Variants in SETDB1 observed in about 807,000 individuals in gnomAD.
SETDB1 encodes the protein histone-lysine N-methyltransferase SETDB1.
A neutral mutation model predicts 137.4 loss-of-function variants in SETDB1; 31 were observed. The ratio of observed to expected loss-of-function variants is 0.23; its 90% CI spans 0.17 to 0.30. SETDB1 has a LOEUF of 0.30. Among genes scored for constraint, SETDB1 ranks in the 10% least tolerant of loss-of-function variants. SETDB1 has a pLI of 1.00. For synonymous variants in SETDB1, 548 were observed against 579.9 expected (o/e 0.95, Z 0.79); for missense variants, 1,113 against 1,631.5 (o/e 0.68, Z 5.47).
At position 150,945,126 on chromosome 1, in the gene SETDB1, A is replaced by G; in HGVS notation, c.1140+18A>G. ...TCTTCCTGGTACTGTTCTTCTCTAC[A>G]ATTTTGGAGGCAGAGGTTGGTGGGG... On this transcript the variant is annotated intron_variant, in intron 9 of 21. Coordinates refer to ENST00000692827, the MANE Select transcript of SETDB1 (RefSeq NM_001366418.1). 3 of 1,613,876 alleles carry G rather than the reference A, an allele frequency of 1.9e-6. No homozygotes were observed. Among genetic ancestry groups the G allele is most frequent in the Middle Eastern group, 3.3e-4 (2 of 6,026 alleles).
At chr1:150,953,299 C>T (rs1193734659) in intron 14 of SETDB1, among the ~76,000 whole-genome samples, 1 of 152,030 alleles carries the variant, frequency 6.6e-6, no homozygotes, top group Non-Finnish European at 1.5e-5. Context: ...CTGAGGCAGG[C>T]AGATCACTTG....
chr1:150,946,833 T>C, intron 9 of SETDB1, 53 bp from the exon 10 acceptor site: 1 of 1,608,010 alleles, frequency 6.2e-7, no homozygotes, highest in Non-Finnish European at 8.5e-7. Flanking sequence ...CAGGACAGGA[T>C]AGATTCTAGC....
At chr1:150,961,257 A>C in intron 16 of SETDB1, 66 bp downstream of exon 16, 112 of 1,480,030 alleles carry the variant, frequency 7.6e-5, no homozygotes, top group Non-Finnish European at 9.9e-5. Context: ...ATGCAGTCTC[A>C]CCATGAGTCT....
chr1:150,939,059 T>C (rs192290154), intron 3 of SETDB1, among the ~76,000 whole-genome samples: 20 of 151,920 alleles, frequency 1.3e-4, no homozygotes, highest in Non-Finnish European at 2.2e-4. Flanking sequence ...TTGCCTCAGC[T>C]TCTCGTGAAG....
chr1:150,930,930 T>C lies in SETDB1; in HGVS notation c.412+812T>C, dbSNP rs1166858681. Among the ~76,000 whole-genome samples the C allele has an allele frequency of 2.0e-5, 3 of 152,238 alleles. No homozygotes were observed. In the East Asian group the frequency reaches 5.8e-4, roughly 29 times the overall value. ...GATATCTTTCTTTTTCTTTTCTTAT[T>C]GTACTCACTAAAACCTTCAGTACAG... On this transcript the variant is annotated intron_variant, in intron 3 of 21. Transcript: ENST00000692827.
intron 4 of SETDB1, among the ~76,000 whole-genome samples, chr1:150,940,694 A>G (rs1670112088): frequency 6.6e-6 from 1 of 151,566 alleles, no homozygotes; most frequent in Admixed American, 6.6e-5. Flanking sequence ...GAGAAACCCC[A>G]TCTCTACTAA....
chr1:150,954,898 G>A (rs754311854), intron 14 of SETDB1, among the ~76,000 whole-genome samples: 2 of 152,218 alleles, frequency 1.3e-5, no homozygotes, highest in African/African-American at 4.8e-5. Context: ...GAAAGGGGAA[G>A]ACAGGTGACA....
chr1:150,954,484 A>G (rs1171206097), intron 14 of SETDB1, among the ~76,000 whole-genome samples: 2 of 152,192 alleles, frequency 1.3e-5, no homozygotes, highest in East Asian at 3.8e-4. Flanking sequence ...TAATTGAAGG[A>G]TCTTTGTTTC....
At chr1:150,961,743 T>C (rs1320354673) in intron 16 of SETDB1, 1 of 207,284 alleles carries the variant, frequency 4.8e-6, no homozygotes, top group Non-Finnish European at 9.8e-6. Flanking sequence ...GATTTATAAG[T>C]GATTTTTTAA....
In SETDB1 at chr1:150,941,313, A is replaced by G; in HGVS notation, c.448-16A>G. On this transcript the variant is annotated splice_polypyrimidine_tract_variant and intron_variant, in intron 4 of 21. Coordinates refer to ENST00000692827, the MANE Select transcript of SETDB1 (RefSeq NM_001366418.1). ...TACTGTTTCAAAACTTGTTTTCCTC[A>G]TCCCCTTTTCTACAGCTCCGTGAAG... 1 of 1,542,600 alleles carries G rather than the reference A, an allele frequency of 6.5e-7. No individual in the cohort carries two copies. Among genetic ancestry groups the G allele is most frequent in the Non-Finnish European group, 9.0e-7 (1 of 1,116,938 alleles).
chr1:150,928,781 T>A (rs1669625069), intron 2 of SETDB1, among the ~76,000 whole-genome samples: 1 of 152,010 alleles, frequency 6.6e-6, no homozygotes, highest in African/African-American at 2.4e-5. Context: ...TATGTGACGT[T>A]CCCCATCCTG....
chr1:150,943,200 A>G, intron 7 of SETDB1, 147 bp downstream of exon 7: 1 of 612,068 alleles, frequency 1.6e-6, no homozygotes, highest in Non-Finnish European at 2.9e-6. Context: ...CACAGGAGTC[A>G]TGTGGGTGAT....
At chr1:150,946,799 G>A in intron 9 of SETDB1, 87 bp from the exon 10 acceptor site, 1 of 1,489,160 alleles carries the variant, frequency 6.7e-7, no homozygotes, top group Admixed American at 1.7e-5. Context: ...TCCCAGAGGT[G>A]ACACATGGTA....
rs1044941344 is a variant in SETDB1, at chr1:150,960,684, C to A, written c.2625C>A (p.Ala875=). Residue 875 remains alanine (A), a synonymous_variant, in exon 16 of 22, where the codon GCC becomes GCA. Transcript: ENST00000692827. ...TCAAAGAAGGATATGAGAGTGATGC[C>A]CCCTGTTCCTCTGACAGCAGTGGTG... The part of the protein sequence containing the change: ...ENFKEGYESD[A]PCSSDSSGVD... The A allele has an allele frequency of 3.1e-6, 5 of 1,612,310 alleles. No homozygotes were observed. The highest frequency in any genetic ancestry group is 4.2e-6 in the Non-Finnish European group (5 of 1,179,330).
At position 150,960,525 on chromosome 1, in the gene SETDB1, C is replaced by T. The variant is rs758575274; in HGVS notation, c.2504-38C>T. ...ACAAAAAAAAAAACTAATAGGTCCC[C>T]ATAACCCTAGAAGGCCTTTAATTCT... On this transcript the variant is annotated intron_variant, in intron 15 of 21. Transcript: ENST00000692827. 10 of 1,545,206 alleles carry T rather than the reference C, an allele frequency of 6.5e-6. No homozygotes were observed. The African/African-American group carries it at 1.3e-4, about 20-fold the overall frequency.
chr1:150,937,007 C>A (rs970754528), intron 3 of SETDB1, among the ~76,000 whole-genome samples: 1 of 152,050 alleles, frequency 6.6e-6, no homozygotes, highest in Non-Finnish European at 1.5e-5. Flanking sequence ...TGCCTGTAAT[C>A]CCAGCTACTG....
chr1:150,946,779 C>G, intron 9 of SETDB1, 107 bp from the exon 10 acceptor site: 1 of 1,330,796 alleles, frequency 7.5e-7, no homozygotes, highest in Non-Finnish European at 1.1e-6. Flanking sequence ...TAAGGCTCAT[C>G]AGGGAGGATT....
chr1:150,932,963 GT>G (rs923477869), intron 3 of SETDB1, among the ~76,000 whole-genome samples: 42 of 151,854 alleles, frequency 2.8e-4, no homozygotes, highest in South Asian at 4.2e-4. Context: ...AATATTTGGG[GT>G]TTTTTTGATA....
intron 3 of SETDB1, among the ~76,000 whole-genome samples, chr1:150,933,893 C>T (rs1193100151): frequency 6.7e-6 from 1 of 149,198 alleles, no homozygotes; most frequent in Non-Finnish European, 1.5e-5. Context: ...AAGCGATTCT[C>T]CTGCCTCAGC....
Sources: allele counts gnomAD v4.1 joint callset (sites outside exome capture counted in the v4.1 genomes callset), GRCh38; gene constraint gnomAD v4.1.1; transcripts MANE v1.5; gene names NCBI Gene and HGNC (gene_info 2026-07-23, HGNC 2026-07-21).